Variants in LINGO2 observed in about 807,000 individuals in gnomAD.
LINGO2 encodes the protein leucine-rich repeat and immunoglobulin-like domain-containing nogo receptor-interacting protein 2.
A neutral mutation model predicts 30.6 loss-of-function variants in LINGO2; 14 were observed. The ratio of observed to expected loss-of-function variants is 0.46; its 90% CI spans 0.30 to 0.72. The LOEUF is 0.72. Ranked by LOEUF, LINGO2 falls within the 30% of genes least tolerant of loss-of-function variation. The pLI is 0.07. For synonymous variants in LINGO2, 317 were observed against 288.5 expected (o/e 1.10, Z -1.00); for missense variants, 729 against 751.7 (o/e 0.97, Z 0.35).
the LINGO2 span, among the ~76,000 whole-genome samples, chr9:28,934,655 T>C: frequency 5.3e-5 from 8 of 152,182 alleles, no homozygotes; most frequent in African/African-American, 1.9e-4. Context: ...ACCTCCAATA[T>C]CTTTGCTCTT....
At chr9:28,205,234 C>T (rs1013945067) in intron 4 of LINGO2, among the ~76,000 whole-genome samples, 1 of 152,196 alleles carries the variant, frequency 6.6e-6, no homozygotes, top group Non-Finnish European at 1.5e-5. Flanking sequence ...CTGATGGTCA[C>T]ATTTGGAGAG....
chr9:28,991,387 G>C, the LINGO2 span, among the ~76,000 whole-genome samples: 3 of 151,470 alleles, frequency 2.0e-5, no homozygotes, highest in African/African-American at 7.3e-5. Flanking sequence ...ATCTACGTCT[G>C]ATTGGTGTAC....
chr9:28,992,243 C>G, the LINGO2 span, among the ~76,000 whole-genome samples: 4 of 151,598 alleles, frequency 2.6e-5, no homozygotes, highest in East Asian at 7.8e-4. Context: ...AGACTTTAAA[C>G]CAACAAAGAT....
chr9:28,723,787 A>G, the LINGO2 span, among the ~76,000 whole-genome samples: 11 of 152,116 alleles, frequency 7.2e-5, no homozygotes, highest in African/African-American at 2.4e-4. Flanking sequence ...TAAAGTATGG[A>G]AATAGGTATG....
chr9:28,360,030 T>C (rs1463941909), intron 3 of LINGO2, among the ~76,000 whole-genome samples: 6 of 152,178 alleles, frequency 3.9e-5, no homozygotes, highest in Non-Finnish European at 7.3e-5. Flanking sequence ...AGATTATCTA[T>C]AGAGCATGTA....
At chr9:29,152,823 A>G in the LINGO2 span, among the ~76,000 whole-genome samples, 1 of 152,208 alleles carries the variant, frequency 6.6e-6, no homozygotes, top group Admixed American at 6.5e-5. Flanking sequence ...ATAAAAATTG[A>G]TTTAATAATA....
At chr9:28,241,759 C>T (rs1821809205) in intron 4 of LINGO2, among the ~76,000 whole-genome samples, 1 of 152,102 alleles carries the variant, frequency 6.6e-6, no homozygotes, top group Admixed American at 6.6e-5. Flanking sequence ...CCAGAGATCC[C>T]AGAGGAAGAA....
intron 2 of LINGO2, among the ~76,000 whole-genome samples, chr9:28,421,221 A>C (rs534980151): frequency 1.3e-5 from 2 of 152,024 alleles, no homozygotes; most frequent in Non-Finnish European, 2.9e-5. Context: ...ACAAGAATAA[A>C]CCTAATTAAG....
chr9:27,960,346 T>C (rs1204770090), intron 5 of LINGO2, among the ~76,000 whole-genome samples: 1 of 152,180 alleles, frequency 6.6e-6, no homozygotes, highest in Admixed American at 6.5e-5. Context: ...AAGCCAAATA[T>C]TTCCTGGCAA....
At chr9:29,079,016 C>T in the LINGO2 span, among the ~76,000 whole-genome samples, 1 of 151,840 alleles carries the variant, frequency 6.6e-6, no homozygotes, top group Admixed American at 6.6e-5. Context: ...TACAAATGAC[C>T]TTGTTACACA....
intron 1 of LINGO2, among the ~76,000 whole-genome samples, chr9:28,499,289 A>T (rs112622428): frequency 6.6e-6 from 1 of 152,198 alleles, no homozygotes; most frequent in Non-Finnish European, 1.5e-5. Context: ...TAGAAAGACC[A>T]TCTCAGTCAG....
At chr9:28,314,938 T>C (rs1156569175) in intron 3 of LINGO2, among the ~76,000 whole-genome samples, 1 of 146,046 alleles carries the variant, frequency 6.8e-6, no homozygotes, top group Non-Finnish European at 1.5e-5. Context: ...TGAGCCGAGA[T>C]GGCGGAGTTC....
At position 28,199,344 on chromosome 9, in the gene LINGO2, CTT is replaced by C. The variant is rs757957924; in HGVS notation, c.-87+95862_-87+95863del. Among the ~76,000 whole-genome samples the C allele has an allele frequency of 5.7e-3, 666 of 117,634 alleles. 27 individuals are homozygous for C. Among genetic ancestry groups the C allele is most frequent in the African/African-American group, 0.019 (632 of 32,574 alleles). 77.2% of individuals were successfully genotyped at this position (117,634 alleles called of 152,430 possible). On this transcript the variant is annotated intron_variant, in intron 4 of 5. Transcript: ENST00000379992. ...CTATCTTCTTCTTCTTCTTCTTCTT[CTT>C]TTTTTTTTTTTGAGACGGAGTCTCG... is the stretch of plus-strand genomic sequence containing the variant.
intron 4 of LINGO2, among the ~76,000 whole-genome samples, chr9:28,209,155 T>C (rs1015185035): frequency 1.5e-4 from 23 of 152,088 alleles, no homozygotes; most frequent in African/African-American, 4.8e-4. Context: ...TTTCAAAGCG[T>C]CCTTTCGTGA....
At chr9:29,150,644 G>A in the LINGO2 span, among the ~76,000 whole-genome samples, 1 of 152,118 alleles carries the variant, frequency 6.6e-6, no homozygotes, top group East Asian at 1.9e-4. Context: ...ATCAACACCA[G>A]AACAGACCAA....
chr9:29,167,213 C>G, the LINGO2 span, among the ~76,000 whole-genome samples: 1 of 152,044 alleles, frequency 6.6e-6, no homozygotes, highest in African/African-American at 2.4e-5. Context: ...ATCAGTATGT[C>G]TACTGAATAA....
the LINGO2 span, among the ~76,000 whole-genome samples, chr9:29,212,318 G>T: frequency 6.6e-6 from 1 of 151,782 alleles, no homozygotes; most frequent in Non-Finnish European, 1.5e-5. Context: ...GCCTCCTGGC[G>T]CCCCCACACC....
the LINGO2 span, among the ~76,000 whole-genome samples, chr9:28,893,813 A>C: frequency 2.6e-4 from 39 of 151,702 alleles, no homozygotes; most frequent in African/African-American, 8.2e-4. Flanking sequence ...AGGTTAGTTA[A>C]ATATGTATAT....
intron 4 of LINGO2, among the ~76,000 whole-genome samples, chr9:28,215,337 A>G (rs940546579): frequency 1.3e-5 from 2 of 151,724 alleles, no homozygotes; most frequent in African/African-American, 4.8e-5. Context: ...TGTATCTTAT[A>G]AATTACTGGA....
Sources: allele counts gnomAD v4.1 joint callset (sites outside exome capture counted in the v4.1 genomes callset), GRCh38; gene constraint gnomAD v4.1.1; transcripts MANE v1.5; gene names NCBI Gene and HGNC (gene_info 2026-07-23, HGNC 2026-07-21).